The following PDZRN3 variants were observed in gnomAD, a reference collection of about 807,000 sequenced individuals.
PDZRN3 encodes PDZ domain containing ring finger 3.
PDZRN3 carries 38 observed loss-of-function variants against 85.7 expected under a neutral mutation model. The observed-to-expected ratio is 0.44, with a 90% CI of 0.34 to 0.58. The LOEUF (loss-of-function observed/expected upper bound fraction) is 0.58, where lower values mean the gene tolerates loss of function less well. Among genes scored for constraint, PDZRN3 ranks in the 20% least tolerant of loss-of-function variants. PDZRN3 has a pLI of 0.01. For missense variants in PDZRN3, 1,629 were observed against 1,506.4 expected, an observed-to-expected ratio of 1.08 and a Z score of -1.35; for synonymous variants, 759 against 638.0, an observed-to-expected ratio of 1.19 and a Z score of -2.86.
Position 73,624,724 on chromosome 3 carries a change from G to A in PDZRN3, c.102C>T (p.Gly34=). ...GCACGCAGCCGGCGCAGAAGACGTG[G>A]CCGCACGGCGTGGTCAGCGGGTCCT... The part of the protein sequence containing the change: ...VLEDPLTTPC[G]HVFCAGCVLP... The change falls in exon 1 of 10, where the codon GGC becomes GGT. Residue 34 remains glycine (G), a synonymous_variant. Transcript: ENST00000263666. 1 of 1,528,878 alleles carries A rather than the reference G, an allele frequency of 6.5e-7. No individual in the cohort carries two copies. 94.7% of individuals were successfully genotyped at this position (1,528,878 alleles called of 1,614,324 possible).
At chr3:73,577,248 C>T (rs1308469897) in intron 3 of PDZRN3, among the ~76,000 whole-genome samples, 1 of 152,146 alleles carries the variant, frequency 6.6e-6, no homozygotes, top group Non-Finnish European at 1.5e-5. Context: ...GGATGAGAAA[C>T]CCTTACATGA....
chr3:73,515,001 C>G (rs1704231243), intron 3 of PDZRN3, among the ~76,000 whole-genome samples: 1 of 151,994 alleles, frequency 6.6e-6, no homozygotes, highest in African/African-American at 2.4e-5. Context: ...GATTGTAAAA[C>G]AAAATCCCCC....
intron 3 of PDZRN3, among the ~76,000 whole-genome samples, chr3:73,430,246 G>A (rs532494520): frequency 6.6e-5 from 10 of 152,206 alleles, no homozygotes; most frequent in Admixed American, 5.2e-4. Context: ...GCATTGTGCC[G>A]GCACATAGTA....
intron 3 of PDZRN3, among the ~76,000 whole-genome samples, chr3:73,565,793 AC>A (rs1553703477): frequency 0.067 from 9,677 of 145,090 alleles, 375 homozygotes; most frequent in Middle Eastern, 0.16. Context: ...CAAAACACAC[AC>A]ACACACACAC....
chr3:73,492,984 CTTTTTT>C (rs5850113), intron 3 of PDZRN3, among the ~76,000 whole-genome samples: 7 of 104,048 alleles, frequency 6.7e-5, no homozygotes, highest in Admixed American at 6.1e-4. Context: ...GCTTTTCAAC[CTTTTTT>C]TTTTTTTTTT....
chr3:73,519,657 T>A (rs539255032), intron 3 of PDZRN3, among the ~76,000 whole-genome samples: 2 of 152,156 alleles, frequency 1.3e-5, no homozygotes, highest in South Asian at 4.2e-4. Flanking sequence ...CCTAAGTGAG[T>A]AAAGAGTCGT....
In PDZRN3 at chr3:73,545,804, G is replaced by A. The variant is rs528233905; in HGVS notation, c.918+56550C>T. Among the ~76,000 whole-genome samples, 176 of 152,276 alleles carry A rather than the reference G, an allele frequency of 1.2e-3. 1 individual carries two copies. The highest frequency in any genetic ancestry group is 4.1e-3 in the African/African-American group (171 of 41,552). ...AGGCTTTTAGTGTGTGGATTTTGCTGAGGGCCATGGCAGAGTTTTTTCCAC... is the reference window on the plus strand; with the variant it reads ...AGGCTTTTAGTGTGTGGATTTTGCTAAGGGCCATGGCAGAGTTTTTTCCAC... On this transcript the variant is annotated intron_variant, in intron 3 of 9. Coordinates refer to ENST00000263666, the MANE Select transcript of PDZRN3 (RefSeq NM_015009.3).
chr3:73,531,385 A>G (rs902140688), intron 3 of PDZRN3, among the ~76,000 whole-genome samples: 1 of 151,706 alleles, frequency 6.6e-6, no homozygotes, highest in Non-Finnish European at 1.5e-5. Context: ...CATGTGTCCT[A>G]TTCTACTGAT....
chr3:73,527,723 CT>C (rs889639988), intron 3 of PDZRN3, among the ~76,000 whole-genome samples: 1 of 152,122 alleles, frequency 6.6e-6, no homozygotes, highest in African/African-American at 2.4e-5. Context: ...TTGCCCACTC[CT>C]AATAGTAGAA....
At chr3:73,567,476 A>G (rs1401209897) in intron 3 of PDZRN3, among the ~76,000 whole-genome samples, 1 of 152,212 alleles carries the variant, frequency 6.6e-6, no homozygotes, top group African/African-American at 2.4e-5. Context: ...AAGGGTTTAA[A>G]GCAAAACTGA....
chr3:73,559,398 C>T (rs1164247991), intron 3 of PDZRN3, among the ~76,000 whole-genome samples: 2 of 151,178 alleles, frequency 1.3e-5, no homozygotes, highest in Admixed American at 6.6e-5. Flanking sequence ...GAGATTATGA[C>T]GTTAAATGAG....
In PDZRN3 at chr3:73,622,724, C is replaced by T. The variant is rs1369479747; in HGVS notation, c.723+1379G>A. ...AGAACTCTGAGGTAGAATCTGAGTC[C>T]GGCTCTGCTCCCTGAGTCACTACTT... On this transcript the variant is annotated intron_variant, in intron 1 of 9. Coordinates refer to ENST00000263666, the MANE Select transcript of PDZRN3 (RefSeq NM_015009.3). 2.6e-5 allele frequency among the ~76,000 whole-genome samples: 4 copies of T among 152,120 alleles called. No homozygotes were observed. The East Asian group carries it at 5.8e-4, about 22-fold the overall frequency.
intron 3 of PDZRN3, among the ~76,000 whole-genome samples, chr3:73,440,082 T>C (rs998745667): frequency 5.3e-5 from 8 of 152,022 alleles, no homozygotes; most frequent in African/African-American, 1.9e-4. Flanking sequence ...CTTTGCCAAA[T>C]TGATTGAGGT....
chr3:73,499,793 T>C (rs1468089551), intron 3 of PDZRN3, among the ~76,000 whole-genome samples: 1 of 152,124 alleles, frequency 6.6e-6, no homozygotes, highest in Non-Finnish European at 1.5e-5. Context: ...CGTATTTTCT[T>C]GGCAAGTTAC....
At chr3:73,591,388 T>C (rs1481171027) in intron 3 of PDZRN3, among the ~76,000 whole-genome samples, 2 of 152,228 alleles carry the variant, frequency 1.3e-5, no homozygotes, top group Non-Finnish European at 2.9e-5. Flanking sequence ...AAATTAAGAA[T>C]TATTCCTGAT....
intron 3 of PDZRN3, among the ~76,000 whole-genome samples, chr3:73,505,694 C>G (rs924030986): frequency 2.0e-5 from 3 of 152,000 alleles, no homozygotes; most frequent in African/African-American, 7.3e-5. Flanking sequence ...TCATCAGAAA[C>G]TTACTGGGTA....
intron 3 of PDZRN3, among the ~76,000 whole-genome samples, chr3:73,436,027 G>A (rs1312883806): frequency 1.3e-5 from 2 of 152,000 alleles, no homozygotes; most frequent in African/African-American, 4.8e-5. Context: ...TCTCTCTGCT[G>A]GAACCGCTCT....
At chr3:73,577,418 T>C (rs140281786) in intron 3 of PDZRN3, among the ~76,000 whole-genome samples, 1 of 152,280 alleles carries the variant, frequency 6.6e-6, no homozygotes, top group African/African-American at 2.4e-5. Flanking sequence ...GGGGAATCCA[T>C]GCTAAGTGCA....
chr3:73,454,298 A>G (rs1702934723), intron 3 of PDZRN3, among the ~76,000 whole-genome samples: 1 of 152,130 alleles, frequency 6.6e-6, no homozygotes, highest in Non-Finnish European at 1.5e-5. Context: ...GTGTAGAGAA[A>G]CTTGGAGTAG....
Sources: allele counts gnomAD v4.1 joint callset (sites outside exome capture counted in the v4.1 genomes callset), GRCh38; gene constraint gnomAD v4.1.1; transcripts MANE v1.5; gene names NCBI Gene and HGNC (gene_info 2026-07-23, HGNC 2026-07-21).